QPCTL: variants seen among roughly 807,000 people sequenced by gnomAD.
QPCTL encodes glutaminyl-peptide cyclotransferase like.
In QPCTL, 31 loss-of-function variants were observed where a neutral mutation model predicts 34.6. The ratio of observed to expected loss-of-function variants is 0.90; its 90% confidence interval spans 0.67 to 1.21. The LOEUF (loss-of-function observed/expected upper bound fraction) is 1.21, where lower values mean the gene tolerates loss of function less well. Ranked by LOEUF, QPCTL falls within the 50% of genes most tolerant of loss-of-function variation. QPCTL has a pLI of 0.00. For synonymous variants in QPCTL, 223 were observed against 226.9 expected (o/e 0.98, Z 0.15); for missense variants, 474 against 507.8 (o/e 0.93, Z 0.64).
At chr19:45,701,481 G>A (rs1967810163) in intron 5 of QPCTL, among the ~76,000 whole-genome samples, 1 of 151,998 alleles carries the variant, frequency 6.6e-6, no homozygotes, top group South Asian at 2.1e-4. Context: ...TCACCATGTT[G>A]GCCAAGCTGG....
intron 2 of QPCTL, among the ~76,000 whole-genome samples, chr19:45,694,399 A>C (rs940949624): frequency 6.6e-6 from 1 of 152,048 alleles, no homozygotes; most frequent in Non-Finnish European, 1.5e-5. Context: ...AGTCACTTAA[A>C]TACTGCCTGA....
intron 3 of QPCTL, among the ~76,000 whole-genome samples, chr19:45,698,299 TTA>T (rs1163438948): frequency 3.9e-5 from 6 of 151,910 alleles, no homozygotes; most frequent in African/African-American, 7.3e-5. Context: ...TTAACCCCAT[TTA>T]TAGATGAAGA....
chr19:45,702,056 G>C, intron 6 of QPCTL, 142 bp downstream of exon 6: 1 of 636,040 alleles, frequency 1.6e-6, no homozygotes, highest in Non-Finnish European at 2.7e-6. Flanking sequence ...CTGTAAAATG[G>C]GGATAATACT....
In QPCTL at chr19:45,693,547, A is replaced by G; in HGVS notation, c.342A>G (p.Gln114=). ...VRTPGSPGNL[Q]VRKFLEATLR... ...CCCCGGGCAGCCCGGGAAATCTCCA[A>G]GTCAGAAAGGTAAAGGGACCCACCT... The change falls in exon 2 of 7, where the codon CAA becomes CAG. Residue 114 remains glutamine, a synonymous_variant. Transcript: ENST00000012049. 2 of 1,611,782 alleles carry G rather than the reference A, an allele frequency of 1.2e-6. No homozygotes were observed. Among genetic ancestry groups the G allele is most frequent in the Non-Finnish European group, 1.7e-6 (2 of 1,178,750 alleles).
At chr19:45,696,190 A>C (rs1967692541) in intron 3 of QPCTL, among the ~76,000 whole-genome samples, 1 of 148,832 alleles carries the variant, frequency 6.7e-6, no homozygotes. Flanking sequence ...CCCACCCCTC[A>C]CCTCTTGCTC....
Position 45,701,857 on chromosome 19 carries a change from C to G in QPCTL, c.946C>G (p.Gln316Glu). ...QSHPQEVMYF[Q>E]PGEPFGSVED... Reference sequence around the variant, plus strand: ...TCATCCCCAGGAAGTGATGTACTTCCAACCCGGGGAGCCCTTTGGCTCTGT... The same window carrying G: ...TCATCCCCAGGAAGTGATGTACTTCGAACCCGGGGAGCCCTTTGGCTCTGT... The change falls in exon 6 of 7, where the codon CAA (glutamine) becomes GAA (glutamate). Residue 316 changes from glutamine to glutamate, a missense_variant. Coordinates refer to ENST00000012049, the MANE Select transcript of QPCTL (RefSeq NM_017659.4). 6.2e-7 allele frequency: 1 copy of G among 1,614,074 alleles called. No individual in the cohort carries two copies. Among genetic ancestry groups the G allele is most frequent in the Non-Finnish European group, 8.5e-7 (1 of 1,179,976 alleles).
Position 45,695,599 on chromosome 19 carries a change from A to G in QPCTL, c.514A>G (p.Lys172Glu). 6.2e-7 allele frequency: 1 copy of G among 1,614,024 alleles called. No individual in the cohort carries two copies. The highest frequency in any genetic ancestry group is 1.1e-5 in the South Asian group (1 of 91,078). ...CACCCTTGCCTGCCATTATGACTCGAAGCTCTTCCCACCCGGATCGACCCC... is the reference window on the plus strand; with the variant it reads ...CACCCTTGCCTGCCATTATGACTCGGAGCTCTTCCCACCCGGATCGACCCC... Reference protein sequence around the residue: ...HLTLACHYDSKLFPPGSTPFV... With the variant: ...HLTLACHYDSELFPPGSTPFV... The change falls in exon 3 of 7, where the codon AAG becomes GAG. Residue 172 changes from lysine to glutamate, a missense_variant. Transcript: ENST00000012049.
At chr19:45,695,367 G>A in intron 2 of QPCTL, 70 bp from the exon 3 acceptor site, 1 of 1,442,232 alleles carries the variant, frequency 6.9e-7, no homozygotes, top group Non-Finnish European at 9.6e-7. Context: ...GCATGGCTCA[G>A]GTCACGTGGC....
chr19:45,692,961 G>A, intron 1 of QPCTL, 51 bp downstream of exon 1: 3 of 1,497,996 alleles, frequency 2.0e-6, no homozygotes, highest in Non-Finnish European at 2.7e-6. Flanking sequence ...TTCCCTCCCC[G>A]CTGTTACCCA....
Position 45,698,607 on chromosome 19 carries a change from G to C in QPCTL, c.694G>C (p.Gly232Arg). The change falls in exon 4 of 7, where the codon GGA (glycine) becomes CGA (arginine). Residue 232 changes from glycine to arginine, a missense_variant. Physicochemically the swap from Gly to Arg is moderately radical, Grantham distance 125. Coordinates refer to ENST00000012049, the MANE Select transcript of QPCTL (RefSeq NM_017659.4). ...LDGEEALKEW[G>R]PKDSLYGSRH... ...TGGTGAAGAGGCGCTGAAGGAGTGG[G>C]GACCCAAGGACTCCCTTTACGGTTC... The C allele has an allele frequency of 6.2e-7, 1 of 1,614,106 alleles. No homozygotes were observed. The highest frequency in any genetic ancestry group is 8.5e-7 in the Non-Finnish European group (1 of 1,180,018).
At chr19:45,697,350 C>T (rs1415378821) in intron 3 of QPCTL, among the ~76,000 whole-genome samples, 1 of 143,924 alleles carries the variant, frequency 6.9e-6, no homozygotes, top group Non-Finnish European at 1.5e-5. Context: ...GGCGTGAACT[C>T]GGGAGGCAGA....
intron 4 of QPCTL, 43 bp from the exon 5 acceptor site, chr19:45,698,758 G>T: frequency 6.2e-7 from 1 of 1,613,312 alleles, no homozygotes; most frequent in Admixed American, 1.7e-5. Context: ...CAGGGCTGGC[G>T]TCATCCTGCA....
intron 5 of QPCTL, 87 bp from the exon 6 acceptor site, chr19:45,701,711 G>A (rs1390530715): frequency 8.0e-6 from 8 of 999,242 alleles, no homozygotes; most frequent in Non-Finnish European, 1.2e-5. Flanking sequence ...CTTTGTCTCT[G>A]GGTGCTCTGC....
chr19:45,693,525 C>T lies in QPCTL; in HGVS notation c.320C>T (p.Pro107Leu), dbSNP rs772186994. The T allele has an allele frequency of 6.8e-6, 11 of 1,612,186 alleles. No homozygotes were observed. The highest frequency in any genetic ancestry group is 1.7e-4 in the Middle Eastern group (1 of 6,052). Residue 107 changes from proline to leucine, a missense_variant, in exon 2 of 7, where the codon CCG (proline) becomes CTG (leucine). By Grantham distance (98) the Pro-to-Leu change is moderately conservative (BLOSUM62 -3). Transcript: ENST00000012049. ...YLRPLLVVRT[P>L]GSPGNLQVRK... is the part of the protein sequence containing the mutation. ...CGCCCCCTGCTGGTTGTGCGAACCC[C>T]GGGCAGCCCGGGAAATCTCCAAGTC...
chr19:45,702,622 G>A (rs1196288059), intron 6 of QPCTL, among the ~76,000 whole-genome samples: 2 of 151,964 alleles, frequency 1.3e-5, no homozygotes, highest in Non-Finnish European at 2.9e-5. Context: ...AAATTAGACA[G>A]GTGTCGTGGT....
At chr19:45,699,743 C>A (rs1267129169) in intron 5 of QPCTL, among the ~76,000 whole-genome samples, 1 of 151,544 alleles carries the variant, frequency 6.6e-6, no homozygotes, top group Non-Finnish European at 1.5e-5. Context: ...CCAGCCTGGC[C>A]AACAGGGCGA....
At chr19:45,696,483 C>T (rs951538070) in intron 3 of QPCTL, among the ~76,000 whole-genome samples, 3 of 151,658 alleles carry the variant, frequency 2.0e-5, no homozygotes, top group African/African-American at 7.3e-5. Flanking sequence ...CCCAGCTACT[C>T]GGGAGGCTGA....
chr19:45,693,365 G>T (rs758824227), intron 1 of QPCTL, 48 bp from the exon 2 acceptor site: 3 of 1,564,812 alleles, frequency 1.9e-6, no homozygotes, highest in African/African-American at 1.4e-5. Flanking sequence ...GGTTGAAATG[G>T]GGGGGTTGCT....
At chr19:45,697,153 G>A (rs1967712683) in intron 3 of QPCTL, among the ~76,000 whole-genome samples, 1 of 151,670 alleles carries the variant, frequency 6.6e-6, no homozygotes, top group Non-Finnish European at 1.5e-5. Flanking sequence ...CAGGCCAGGT[G>A]CGGTGGCTCA....
Sources: gnomAD v4.1 joint callset for allele counts (sites outside exome capture counted in the v4.1 genomes callset) on GRCh38, gnomAD v4.1.1 for gene constraint, MANE v1.5 for transcripts, NCBI Gene and HGNC (gene_info 2026-07-23, HGNC 2026-07-21) for gene names.